Variants in EEF1AKMT1 observed in about 807,000 individuals in gnomAD.
EEF1AKMT1 encodes N-6 adenine-specific DNA methyltransferase 2 (putative).
A neutral mutation model predicts 21.0 loss-of-function variants in EEF1AKMT1; 18 were observed. That is an observed-to-expected ratio of 0.86 (90% CI 0.59 to 1.27). The LOEUF (loss-of-function observed/expected upper bound fraction) is 1.27. EEF1AKMT1 is among the 50% of genes most tolerant of loss of function. EEF1AKMT1 has a pLI of 0.00. For synonymous variants in EEF1AKMT1, 109 were observed against 94.8 expected, an observed-to-expected ratio of 1.15 and a Z score of -0.87; for missense variants, 246 against 258.6, an observed-to-expected ratio of 0.95 and a Z score of 0.33.
chr13:20,738,733 G>C (rs369618926), intron 2 of EEF1AKMT1, among the ~76,000 whole-genome samples: 1 of 152,230 alleles, frequency 6.6e-6, no homozygotes, highest in South Asian at 2.1e-4. Context: ...AGACACCAAA[G>C]GCCACATACT....
At chr13:20,754,669 G>A (rs2058961372) in intron 2 of EEF1AKMT1, among the ~76,000 whole-genome samples, 1 of 150,894 alleles carries the variant, frequency 6.6e-6, no homozygotes, top group South Asian at 2.1e-4. Context: ...AGTACTTTGG[G>A]AGGCCAAGGC....
chr13:20,742,307 G>T (rs572178338), intron 2 of EEF1AKMT1, among the ~76,000 whole-genome samples: 3 of 151,148 alleles, frequency 2.0e-5, no homozygotes, highest in African/African-American at 7.3e-5. Flanking sequence ...TTTCCACTGG[G>T]TTTACTGTTT....
intron 2 of EEF1AKMT1, among the ~76,000 whole-genome samples, chr13:20,752,470 C>T (rs147750602): frequency 1.3e-5 from 2 of 152,170 alleles, no homozygotes; most frequent in Admixed American, 1.3e-4. Context: ...AGGTGTTGAA[C>T]CTTCCTTGAA....
At chr13:20,745,410 G>A (rs1485162147) in intron 2 of EEF1AKMT1, among the ~76,000 whole-genome samples, 1 of 152,170 alleles carries the variant, frequency 6.6e-6, no homozygotes, top group Non-Finnish European at 1.5e-5. Context: ...TCCCTTGTAA[G>A]TTGTATTCCT....
chr13:20,738,366 A>T (rs1183068314), intron 2 of EEF1AKMT1, among the ~76,000 whole-genome samples: 1 of 152,142 alleles, frequency 6.6e-6, no homozygotes, highest in Non-Finnish European at 1.5e-5. Context: ...CTGATTGGTG[A>T]TTTTTAAAAA....
intron 1 of EEF1AKMT1, among the ~76,000 whole-genome samples, chr13:20,766,800 C>T (rs751311050): frequency 6.6e-6 from 1 of 150,828 alleles, no homozygotes; most frequent in Non-Finnish European, 1.5e-5. Flanking sequence ...CCAGCCTGGG[C>T]GACAGAGCAA....
intron 2 of EEF1AKMT1, chr13:20,748,099 G>A: frequency 6.1e-6 from 1 of 163,414 alleles, no homozygotes. Flanking sequence ...CTGTCCAACT[G>A]AGGAGAACCC....
intron 2 of EEF1AKMT1, among the ~76,000 whole-genome samples, chr13:20,744,009 T>C (rs1403920438): frequency 6.6e-6 from 1 of 152,206 alleles, no homozygotes; most frequent in Non-Finnish European, 1.5e-5. Flanking sequence ...TCCATATCCC[T>C]GCAAAGGACA....
chr13:20,742,880 T>G (rs188327720), intron 2 of EEF1AKMT1, among the ~76,000 whole-genome samples: 4 of 152,312 alleles, frequency 2.6e-5, no homozygotes, highest in South Asian at 4.1e-4. Flanking sequence ...AATCCTTTGC[T>G]CTCATGCATG....
At chr13:20,754,678 G>A (rs543365148) in intron 2 of EEF1AKMT1, among the ~76,000 whole-genome samples, 2 of 150,190 alleles carry the variant, frequency 1.3e-5, no homozygotes, top group African/African-American at 4.9e-5. Flanking sequence ...GGAGGCCAAG[G>A]CAGGCAGATC....
At chr13:20,751,401 T>A (rs1028831081) in intron 2 of EEF1AKMT1, among the ~76,000 whole-genome samples, 2 of 152,226 alleles carry the variant, frequency 1.3e-5, no homozygotes, top group African/African-American at 4.8e-5. Context: ...TATCTAATAT[T>A]TCTAGCACCA....
intron 1 of EEF1AKMT1, among the ~76,000 whole-genome samples, chr13:20,766,891 T>A (rs553743480): frequency 1.3e-5 from 2 of 152,152 alleles, no homozygotes; most frequent in Non-Finnish European, 2.9e-5. Context: ...ATTTCTCTTC[T>A]CCAAACCTTT....
At chr13:20,742,475 T>G (rs57448168) in intron 2 of EEF1AKMT1, among the ~76,000 whole-genome samples, 10 of 152,092 alleles carry the variant, frequency 6.6e-5, no homozygotes, top group Non-Finnish European at 1.2e-4. Context: ...GTTATTCCTG[T>G]GATGGGGCAA....
At chr13:20,736,066 T>C (rs1369939399) in intron 3 of EEF1AKMT1, among the ~76,000 whole-genome samples, 1 of 152,126 alleles carries the variant, frequency 6.6e-6, no homozygotes, top group Non-Finnish European at 1.5e-5. Flanking sequence ...TAATTTAAGA[T>C]AATTTTCTTA....
At chr13:20,747,456 C>T (rs2058911614) in intron 2 of EEF1AKMT1, 1 of 109,852 alleles carries the variant, frequency 9.1e-6, no homozygotes, top group South Asian at 2.2e-4. Context: ...GCCAGTTAGG[C>T]ACATTCTTTT....
chr13:20,759,421 A>G (rs1481021696), intron 1 of EEF1AKMT1, among the ~76,000 whole-genome samples: 1 of 151,932 alleles, frequency 6.6e-6, no homozygotes, highest in Non-Finnish European at 1.5e-5. Flanking sequence ...CTACTAAAAA[A>G]TACAAACAAT....
At chr13:20,740,770 T>C (rs2141418493) in intron 2 of EEF1AKMT1, among the ~76,000 whole-genome samples, 1 of 152,288 alleles carries the variant, frequency 6.6e-6, no homozygotes, top group African/African-American at 2.4e-5. Context: ...ACCATTGCAC[T>C]CCAGCCTGGG....
intron 2 of EEF1AKMT1, chr13:20,757,132 G>A (rs942112255): frequency 4.6e-5 from 9 of 194,740 alleles, no homozygotes; most frequent in African/African-American, 2.1e-4. Context: ...CAGGAGGGGT[G>A]TTGCCAGCTG....
At chr13:20,746,077 T>C (rs2058902365) in intron 2 of EEF1AKMT1, among the ~76,000 whole-genome samples, 1 of 151,618 alleles carries the variant, frequency 6.6e-6, no homozygotes, top group South Asian at 2.1e-4. Flanking sequence ...TAAGTCCACG[T>C]TTAAAATATT....
Sources: allele counts gnomAD v4.1 joint callset (sites outside exome capture counted in the v4.1 genomes callset), GRCh38; gene constraint gnomAD v4.1.1; transcripts MANE v1.5; gene names NCBI Gene and HGNC (gene_info 2026-07-23, HGNC 2026-07-21).